PER2: variants seen among roughly 807,000 people sequenced by gnomAD.
The protein encoded by PER2 is period circadian protein homolog 2.
In PER2, 66 loss-of-function variants were observed where a neutral mutation model predicts 121.0. That is an observed-to-expected ratio of 0.55 (90% CI 0.45 to 0.67). PER2 has a LOEUF of 0.67. Ranked by LOEUF, PER2 falls within the 30% of genes least tolerant of loss-of-function variation. The pLI, the probability that PER2 is intolerant of heterozygous loss-of-function variation, is 0.00. For missense variants in PER2, 1,521 were observed against 1,635.0 expected, an observed-to-expected ratio of 0.93 and a Z score of 1.20; for synonymous variants, 684 against 659.9, an observed-to-expected ratio of 1.04 and a Z score of -0.56.
rs1695623328 is a variant in PER2 at position 238,252,152 on chromosome 2, C to G, written c.3112-391G>C. Among the ~76,000 whole-genome samples, 1 of 152,176 alleles carries G rather than the reference C, an allele frequency of 6.6e-6. No homozygotes were observed. Among genetic ancestry groups the G allele is most frequent in the South Asian group, 2.1e-4 (1 of 4,830 alleles). On this transcript the variant is annotated intron_variant, in intron 19 of 22. Coordinates refer to ENST00000254657, the MANE Select transcript of PER2 (RefSeq NM_022817.3). This position sits in a 1 kb window ranked among gnomAD's most constrained non-coding sequence, Gnocchi z 4.2. ...GCTGCCTTGGGATTGAGGGCGGGGCCTGGCCTGGGGAGCATCCCTGACCCT... is the reference window on the plus strand; with the variant it reads ...GCTGCCTTGGGATTGAGGGCGGGGCGTGGCCTGGGGAGCATCCCTGACCCT...
At chr2:238,246,549 C>A in intron 22 of PER2, 25 bp from the exon 23 acceptor site, 2 of 1,507,536 alleles carry the variant, frequency 1.3e-6, no homozygotes, top group South Asian at 2.3e-5. Context: ...AAAGAGAAAT[C>A]AGTAACAAAC....
Position 238,255,689 on chromosome 2 carries a change from T to C in PER2, c.2288A>G (p.Gln763Arg), listed in dbSNP as rs1437666240. 2 of 1,614,274 alleles carry C rather than the reference T, an allele frequency of 1.2e-6. No homozygotes were observed. The highest frequency in any genetic ancestry group is 2.2e-5 in the East Asian group (1 of 44,888). Residue 763 changes from glutamine (Q) to arginine (R), a missense_variant, in exon 18 of 23, where the codon CAA (glutamine) becomes CGA (arginine). Physicochemically the swap from Gln to Arg is conservative, Grantham distance 43. Coordinates refer to ENST00000254657, the MANE Select transcript of PER2 (RefSeq NM_022817.3). ...ACTTGGCTGCCCCTTGGATCTTTCT[T>C]GCAAGTAGTAATGGCAGTGGGACTG... Reference protein sequence around the residue: ...IFQSHCHYYLQERSKGQPSER... With the variant: ...IFQSHCHYYLRERSKGQPSER...
intron 22 of PER2, among the ~76,000 whole-genome samples, chr2:238,248,759 C>T (rs7605472): frequency 0.023 from 3,506 of 152,030 alleles, 125 homozygotes; most frequent in African/African-American, 0.08. Context: ...GGGTTCCCGC[C>T]ATTCTCCTGC....
chr2:238,279,596 C>T (rs1386025526), intron 1 of PER2, among the ~76,000 whole-genome samples: 1 of 152,218 alleles, frequency 6.6e-6, no homozygotes, highest in Non-Finnish European at 1.5e-5. Flanking sequence ...TTTGGCCCTT[C>T]CCAGGGCAGC....
Position 238,263,038 on chromosome 2 carries a change from T to C in PER2, c.1067A>G (p.Tyr356Cys), listed in dbSNP as rs1695983474. ...GGTTTCAATCAGGTCCTGAGGTAGG[T>C]AGCCCAGGAGAGGGACCGCCCTGGA... is the stretch of plus-strand genomic sequence containing the variant. ...VDERAVPLLG[Y>C]LPQDLIETPV... Residue 356 changes from tyrosine to cysteine, a missense_variant, in exon 10 of 23, where the codon TAC becomes TGC. Transcript: ENST00000254657. The C allele has an allele frequency of 1.9e-6, 3 of 1,613,472 alleles. No individual in the cohort carries two copies. Among genetic ancestry groups the C allele is most frequent in the East Asian group, 2.2e-5 (1 of 44,858 alleles).
At chr2:238,251,568 A>C (rs755387396) in intron 20 of PER2, 31 bp downstream of exon 20, 4 of 1,608,380 alleles carry the variant, frequency 2.5e-6, no homozygotes, top group Middle Eastern at 1.7e-4. Context: ...GAACCTCCCA[A>C]GTGCCTAACA....
chr2:238,280,185 C>G (rs1175628738), intron 1 of PER2, among the ~76,000 whole-genome samples: 1 of 152,226 alleles, frequency 6.6e-6, no homozygotes, highest in East Asian at 1.9e-4. Flanking sequence ...CGGATTCCAA[C>G]AGCTGGCCCC....
At chr2:238,271,938 G>A (rs964252927) in intron 5 of PER2, among the ~76,000 whole-genome samples, 19 of 151,644 alleles carry the variant, frequency 1.3e-4, no homozygotes, top group African/African-American at 4.1e-4. Context: ...TTCCAGCCCC[G>A]CCATAAACTT....
chr2:238,293,017 T>G (rs1484630813), upstream of PER2, among the ~76,000 whole-genome samples: 1 of 149,894 alleles, frequency 6.7e-6, no homozygotes, highest in Middle Eastern at 3.4e-3. Context: ...ATTACAGATG[T>G]GAGACACCCC....
At chr2:238,280,115 C>A (rs565904429) in intron 1 of PER2, among the ~76,000 whole-genome samples, 2 of 152,336 alleles carry the variant, frequency 1.3e-5, no homozygotes, top group South Asian at 4.1e-4. Flanking sequence ...CCCAACAGGG[C>A]AACTCTAAGA....
At chr2:238,250,023 C>T (rs139787406) in intron 21 of PER2, among the ~76,000 whole-genome samples, 1 of 152,352 alleles carries the variant, frequency 6.6e-6, no homozygotes, top group African/African-American at 2.4e-5. Flanking sequence ...TCTTTCCTCC[C>T]AGCTTCCCAT....
At chr2:238,285,702 CCAGAGG>C (rs1436915426) in intron 1 of PER2, among the ~76,000 whole-genome samples, 1 of 125,566 alleles carries the variant, frequency 8.0e-6, no homozygotes, top group Non-Finnish European at 1.9e-5. Context: ...TGCCAGCCCC[CCAGAGG>C]CTCCTGGTGG....
chr2:238,256,576 C>A (rs1219302819), intron 17 of PER2, among the ~76,000 whole-genome samples: 1 of 152,192 alleles, frequency 6.6e-6, no homozygotes. Flanking sequence ...AGGAAAGAAC[C>A]CCAGGCCTGC....
In PER2 at chr2:238,268,162, G is replaced by A; in HGVS notation, c.861C>T (p.His287=). The change falls in exon 8 of 23, where the codon CAC becomes CAT. Residue 287 remains histidine, a synonymous_variant. Transcript: ENST00000254657. This position sits in a 1 kb window ranked among gnomAD's most constrained non-coding sequence, Gnocchi z 4.0. ...RKSHENEIRY[H]PFRMTPYLVK... is the part of the protein sequence containing the mutation. ...CCAGGTAGGGCGTCATGCGGAAGGG[G>A]TGGTAGCGGATTTCATTCTCGTGGC... is the stretch of plus-strand genomic sequence containing the variant. 1 of 1,614,110 alleles carries A rather than the reference G, an allele frequency of 6.2e-7. No individual in the cohort carries two copies. Among genetic ancestry groups the A allele is most frequent in the Non-Finnish European group, 8.5e-7 (1 of 1,179,998 alleles).
At chr2:238,247,330 C>G (rs36124720) in intron 22 of PER2, 47,448 of 152,150 alleles carry the variant, frequency 0.31, 8,423 homozygotes, top group Non-Finnish European at 0.4. Flanking sequence ...TGGCAAGGAG[C>G]TGAGGCCTCT....
At chr2:238,262,372 G>C (rs1214860573) in intron 10 of PER2, 28 bp from the exon 11 acceptor site, 5 of 1,612,098 alleles carry the variant, frequency 3.1e-6, no homozygotes, top group Non-Finnish European at 4.2e-6. Context: ...AGCATTCAGG[G>C]GAAAAGGGGA....
intron 1 of PER2, among the ~76,000 whole-genome samples, chr2:238,287,243 G>A (rs780080775): frequency 3.9e-5 from 6 of 152,160 alleles, no homozygotes; most frequent in Admixed American, 1.3e-4. Context: ...CCATCCCCGC[G>A]CTGGCACACC....
At chr2:238,278,444 C>T (rs530768292) in intron 1 of PER2, among the ~76,000 whole-genome samples, 2 of 152,314 alleles carry the variant, frequency 1.3e-5, no homozygotes, top group African/African-American at 4.8e-5. Context: ...GACAAGAGCT[C>T]CTATCTGCCA....
upstream of PER2, chr2:238,289,558 A>G (rs1047698267): frequency 1.3e-5 from 2 of 152,274 alleles, no homozygotes; most frequent in African/African-American, 4.8e-5. Context: ...GCGCATCACT[A>G]GGGAGAAAGG....
Sources: gnomAD v4.1 joint callset for allele counts (sites outside exome capture counted in the v4.1 genomes callset) on GRCh38, gnomAD v4.1.1 for gene constraint, Gnocchi (gnomAD v3.1) non-coding constraint, MANE v1.5 for transcripts, NCBI Gene and HGNC (gene_info 2026-07-23, HGNC 2026-07-21) for gene names.